The following RAP1GAP2 variants were observed in gnomAD, a reference collection of about 807,000 sequenced individuals.
The protein encoded by RAP1GAP2 is rap1 GTPase-activating protein 2.
Under a neutral mutation model 95.0 loss-of-function variants are expected in RAP1GAP2, and 27 were observed. The ratio of observed to expected loss-of-function variants is 0.28; its 90% CI spans 0.21 to 0.39. The LOEUF is 0.39. Among genes scored for constraint, RAP1GAP2 ranks in the 10% least tolerant of loss-of-function variants. The pLI is 1.00. For synonymous variants in RAP1GAP2, 373 were observed against 380.9 expected, an observed-to-expected ratio of 0.98 and a Z score of 0.24; for missense variants, 771 against 970.0, an observed-to-expected ratio of 0.79 and a Z score of 2.72.
At chr17:2,883,670 G>T (rs1567739973) in intron 2 of RAP1GAP2, among the ~76,000 whole-genome samples, 1 of 152,196 alleles carries the variant, frequency 6.6e-6, no homozygotes, top group Non-Finnish European at 1.5e-5. Context: ...GCGGCCTAGA[G>T]TGGGGTAAAG....
chr17:2,828,011 G>C (rs1473552161), intron 2 of RAP1GAP2, among the ~76,000 whole-genome samples: 1 of 152,088 alleles, frequency 6.6e-6, no homozygotes, highest in Non-Finnish European at 1.5e-5. Context: ...GAGATGAGCC[G>C]AGCACTTGAC....
Position 2,965,477 on chromosome 17 carries a change from TA to T in RAP1GAP2, c.493-62del, listed in dbSNP as rs1378218905. On this transcript the variant is annotated intron_variant, in intron 7 of 24. Transcript: ENST00000254695. This position sits in a 1 kb window ranked among gnomAD's most constrained non-coding sequence, Gnocchi z 4.7. The stretch of plus-strand genomic sequence containing the variant: ...GCTTCTCCTGGTGAAGGAGGTGGTT[TA>T]GGGGGAACATACCTGGAAGGTTTCT... 1 of 1,276,438 alleles carries T rather than the reference TA, an allele frequency of 7.8e-7. No individual in the cohort carries two copies. The highest frequency in any genetic ancestry group is 1.1e-6 in the Non-Finnish European group (1 of 898,006). 79.1% of individuals were successfully genotyped at this position (1,276,438 alleles called of 1,614,324 possible).
At chr17:2,983,442 A>C (rs2045446832) in intron 10 of RAP1GAP2, among the ~76,000 whole-genome samples, 1 of 152,162 alleles carries the variant, frequency 6.6e-6, no homozygotes, top group African/African-American at 2.4e-5. Context: ...GCGTCATAAA[A>C]AACAAAACAA....
chr17:2,794,984 T>A (rs970570665), upstream of RAP1GAP2, among the ~76,000 whole-genome samples: 3 of 150,106 alleles, frequency 2.0e-5, no homozygotes, highest in Admixed American at 2.0e-4. Context: ...TTCAAACGAT[T>A]CTCCTGCCTC....
intron 19 of RAP1GAP2, among the ~76,000 whole-genome samples, chr17:3,020,853 G>T (rs578223177): frequency 3.9e-5 from 6 of 152,332 alleles, no homozygotes; most frequent in African/African-American, 1.4e-4. Flanking sequence ...ACATTGCTTG[G>T]ATTCTTGTTT....
intron 1 of RAP1GAP2, among the ~76,000 whole-genome samples, chr17:2,789,781 GAAAAAAAAA>G (rs35791780): frequency 1.4e-5 from 1 of 71,996 alleles, no homozygotes; most frequent in Non-Finnish European, 2.4e-5. Flanking sequence ...GACTCCATCT[GAAAAAAAAA>G]AAAAAAAAAA....
chr17:2,923,991 G>A (rs993653404), intron 3 of RAP1GAP2, among the ~76,000 whole-genome samples: 3 of 152,226 alleles, frequency 2.0e-5, no homozygotes, highest in African/African-American at 7.2e-5. Flanking sequence ...AGAAGGAGTT[G>A]CTGAAGTTTA....
chr17:2,832,191 G>A (rs1348205474), intron 2 of RAP1GAP2, among the ~76,000 whole-genome samples: 3 of 123,286 alleles, frequency 2.4e-5, no homozygotes, highest in African/African-American at 9.3e-5. Context: ...GTGACAGAGT[G>A]AGACTCTGTC....
intron 4 of RAP1GAP2, among the ~76,000 whole-genome samples, chr17:2,961,879 T>G (rs1386602380): frequency 6.7e-6 from 1 of 148,702 alleles, no homozygotes; most frequent in Non-Finnish European, 1.5e-5. Context: ...ACTGGCTCTG[T>G]GACCCTAAGG....
intron 2 of RAP1GAP2, among the ~76,000 whole-genome samples, chr17:2,894,607 G>A (rs116864522): frequency 8.5e-5 from 13 of 152,138 alleles, no homozygotes; most frequent in East Asian, 3.9e-4. Flanking sequence ...CTTGCCGTGC[G>A]TCCAGAAAGA....
At chr17:2,923,787 T>C (rs1477661909) in intron 3 of RAP1GAP2, among the ~76,000 whole-genome samples, 1 of 152,158 alleles carries the variant, frequency 6.6e-6, no homozygotes, top group Non-Finnish European at 1.5e-5. Flanking sequence ...AAATGAATAA[T>C]GTCCTAATCA....
At chr17:2,788,543 C>T (rs1009939089) in intron 1 of RAP1GAP2, among the ~76,000 whole-genome samples, 2 of 152,138 alleles carry the variant, frequency 1.3e-5, no homozygotes, top group Non-Finnish European at 2.9e-5. Flanking sequence ...AGTGATCCAC[C>T]TGCCTTGGCC....
chr17:2,771,614 C>T (rs1400855277), intron 2 of RAP1GAP2, among the ~76,000 whole-genome samples: 3 of 151,628 alleles, frequency 2.0e-5, no homozygotes, highest in African/African-American at 2.4e-5. Context: ...CTCAGCCTCC[C>T]GCGTAGCTGG....
At chr17:2,930,473 G>C (rs866978768) in intron 3 of RAP1GAP2, among the ~76,000 whole-genome samples, 2 of 152,290 alleles carry the variant, frequency 1.3e-5, no homozygotes, top group Middle Eastern at 3.4e-3. Flanking sequence ...TTCCTCACTC[G>C]GAATGGAGGC....
At chr17:3,017,379 A>G (rs1369670626) in intron 17 of RAP1GAP2, among the ~76,000 whole-genome samples, 1 of 151,872 alleles carries the variant, frequency 6.6e-6, no homozygotes, top group African/African-American at 2.4e-5. Flanking sequence ...CAGCACCTCC[A>G]TCAGACCAGG....
chr17:2,882,274 G>GC (rs898545766), intron 2 of RAP1GAP2, among the ~76,000 whole-genome samples: 1 of 150,232 alleles, frequency 6.7e-6, no homozygotes, highest in African/African-American at 2.5e-5. Context: ...TTACAGGTGT[G>GC]CACCACCACG....
At chr17:2,816,306 A>G (rs2070023434) in intron 2 of RAP1GAP2, among the ~76,000 whole-genome samples, 1 of 150,642 alleles carries the variant, frequency 6.6e-6, no homozygotes. Context: ...GACACTTGTT[A>G]ACATTTTTTC....
At chr17:2,920,561 C>T (rs1041616794) in intron 3 of RAP1GAP2, among the ~76,000 whole-genome samples, 3 of 152,208 alleles carry the variant, frequency 2.0e-5, no homozygotes, top group Non-Finnish European at 4.4e-5. Context: ...TGTGTGACAT[C>T]GTGCAGTTCA....
rs547023917 is a variant in RAP1GAP2 at position 2,778,351 on chromosome 17, G to C, written c.-14+1073G>C. On this transcript the variant is annotated intron_variant, in intron 1 of 24. Coordinates refer to the RAP1GAP2 transcript ENST00000540393. ...TGAAGTGCTACAGCAGCCTCTCTTG[G>C]TTCCTGTGTTTGATGTTACTGGGCA... 1.2e-4 allele frequency among the ~76,000 whole-genome samples: 19 copies of C among 152,242 alleles called. No individual in the cohort carries two copies. The East Asian group carries it at 3.5e-3, about 28-fold the overall frequency.
Sources: gnomAD v4.1 joint callset for allele counts (sites outside exome capture counted in the v4.1 genomes callset) on GRCh38, gnomAD v4.1.1 for gene constraint, Gnocchi (gnomAD v3.1) non-coding constraint, MANE v1.5 for transcripts, NCBI Gene and HGNC (gene_info 2026-07-23, HGNC 2026-07-21) for gene names.